COL13A1: variants seen among roughly 807,000 people sequenced by gnomAD.
The protein encoded by COL13A1 is collagen type XIII alpha 1 chain, also known as collagen alpha-1(XIII) chain.
Under a neutral mutation model 130.9 loss-of-function variants are expected in COL13A1, and 89 were observed. That is an observed-to-expected ratio of 0.68 (90% CI 0.57 to 0.81). COL13A1 has a LOEUF of 0.81. COL13A1 is among the 30% of genes least tolerant of loss of function. The pLI is 0.00. For synonymous variants in COL13A1, 402 were observed against 341.6 expected (o/e 1.18, Z -1.95); for missense variants, 879 against 934.6 (o/e 0.94, Z 0.78).
In COL13A1 at chr10:69,950,973, C is replaced by T. The variant is rs1436245061; in HGVS notation, c.2059-1909C>T. On this transcript the variant is annotated intron_variant, in intron 38 of 40. Transcript: ENST00000645393. ...AAGCGATTCTCCTGCCTCAGCCTCCCGAGTAGCTAGGATTACAGGCTAGTG... is the reference window on the plus strand; with the variant it reads ...AAGCGATTCTCCTGCCTCAGCCTCCTGAGTAGCTAGGATTACAGGCTAGTG... Among the ~76,000 whole-genome samples the T allele has an allele frequency of 6.6e-5, 10 of 152,218 alleles. No homozygotes were observed. The East Asian group carries it at 1.2e-3, about 18-fold the overall frequency.
intron 8 of COL13A1, among the ~76,000 whole-genome samples, chr10:69,887,813 C>T (rs1427644403): frequency 1.3e-5 from 2 of 152,128 alleles, no homozygotes; most frequent in Non-Finnish European, 2.9e-5. Context: ...GGGAGAACAC[C>T]CTGCAGCTCA....
In COL13A1 at chr10:69,875,145, T is replaced by A; in HGVS notation, c.417T>A (p.Ile139=). 6.2e-7 allele frequency: 1 copy of A among 1,613,978 alleles called. No individual in the cohort carries two copies. The highest frequency in any genetic ancestry group is 8.5e-7 in the Non-Finnish European group (1 of 1,179,888). Residue 139 remains isoleucine (I), a synonymous_variant, in exon 5 of 41, where the codon ATT becomes ATA. Transcript: ENST00000645393. ...RPGLPGDKGA[I]GMPGRVGVKG... is the part of the protein sequence containing the mutation. ...ATCATCAGGGGGACAAAGGTGCCATTGGGATGCCTGGACGTGTGGTGAGTT... is the reference window on the plus strand; with the variant it reads ...ATCATCAGGGGGACAAAGGTGCCATAGGGATGCCTGGACGTGTGGTGAGTT...
chr10:69,917,703 A>G (rs2064100819), intron 18 of COL13A1, among the ~76,000 whole-genome samples: 1 of 125,996 alleles, frequency 7.9e-6, no homozygotes, highest in Admixed American at 8.1e-5. Flanking sequence ...CAGGGTTTTC[A>G]TATCAGCTTT....
intron 1 of COL13A1, among the ~76,000 whole-genome samples, chr10:69,804,789 G>A (rs1295673311): frequency 2.0e-5 from 2 of 100,392 alleles, no homozygotes; most frequent in Non-Finnish European, 3.7e-5. Flanking sequence ...GAAGAAAATG[G>A]GCAGTGACCA....
intron 7 of COL13A1, among the ~76,000 whole-genome samples, chr10:69,883,088 C>T (rs1436698572): frequency 6.6e-6 from 1 of 152,180 alleles, no homozygotes; most frequent in Admixed American, 6.5e-5. Flanking sequence ...TTAGGGGCCA[C>T]CTGCCTCCCC....
At chr10:69,950,223 G>T (rs2069288932) in intron 38 of COL13A1, among the ~76,000 whole-genome samples, 1 of 151,936 alleles carries the variant, frequency 6.6e-6, no homozygotes, top group Non-Finnish European at 1.5e-5. Flanking sequence ...AGAAGCCTTT[G>T]CCCCTTGACT....
At chr10:69,830,968 T>A (rs1331698347) in intron 2 of COL13A1, among the ~76,000 whole-genome samples, 1 of 152,232 alleles carries the variant, frequency 6.6e-6, no homozygotes, top group African/African-American at 2.4e-5. Flanking sequence ...TTTAGCATAA[T>A]GTTTTCAAGG....
intron 1 of COL13A1, among the ~76,000 whole-genome samples, chr10:69,803,093 C>G (rs1305655202): frequency 6.6e-6 from 1 of 152,182 alleles, no homozygotes; most frequent in African/African-American, 2.4e-5. Context: ...GCCCGCGCAG[C>G]GGCAAGCGCG....
chr10:69,844,159 G>A (rs1852369163), intron 2 of COL13A1, among the ~76,000 whole-genome samples: 1 of 152,170 alleles, frequency 6.6e-6, no homozygotes, highest in African/African-American at 2.4e-5. Flanking sequence ...GAGGGCAGGA[G>A]GACATTCCAA....
intron 27 of COL13A1, 74 bp from the exon 28 acceptor site, chr10:69,928,863 C>T (rs1431831050): frequency 1.8e-6 from 2 of 1,107,368 alleles, no homozygotes; most frequent in South Asian, 1.3e-5. Context: ...CCAGCCTCCA[C>T]ATATAGCCCT....
At chr10:69,899,005 C>T (rs1315768717) in intron 14 of COL13A1, among the ~76,000 whole-genome samples, 1 of 152,166 alleles carries the variant, frequency 6.6e-6, no homozygotes, top group Non-Finnish European at 1.5e-5. Flanking sequence ...GTGTGCCAGG[C>T]ACCCTGTTAC....
Position 69,802,437 on chromosome 10 carries a change from G to A in COL13A1, c.14G>A (p.Arg5His), listed in dbSNP as rs1173422757. The A allele has an allele frequency of 6.7e-7, 1 of 1,500,052 alleles. No homozygotes were observed. Among genetic ancestry groups the A allele is most frequent in the Non-Finnish European group, 8.8e-7 (1 of 1,130,338 alleles). 92.9% of individuals were successfully genotyped at this position (1,500,052 alleles called of 1,614,324 possible). The change falls in exon 1 of 41, where the codon CGC becomes CAC. Residue 5 changes from arginine (R) to histidine (H), a missense_variant. Physicochemically the swap from Arg to His is conservative, Grantham distance 29. Transcript: ENST00000645393. The stretch of plus-strand genomic sequence containing the variant: ...AGACGCGAGAGGATGGTAGCGGAGC[G>A]CACCCACAAAGCGGCAGCCACCGGT... MVAE[R>H]THKAAATGAR...
At chr10:69,812,301 G>C (rs1049511381) in intron 1 of COL13A1, among the ~76,000 whole-genome samples, 1 of 150,490 alleles carries the variant, frequency 6.6e-6, no homozygotes, top group African/African-American at 2.5e-5. Context: ...CCGATTGCTG[G>C]GTTCAAGACC....
At chr10:69,817,218 G>A (rs553713005) in intron 1 of COL13A1, among the ~76,000 whole-genome samples, 140 of 152,186 alleles carry the variant, frequency 9.2e-4, no homozygotes, top group African/African-American at 3.3e-3. Context: ...ATCTAGAGGA[G>A]GGGATTGATG....
rs1452849575 is a variant in COL13A1, at chr10:69,889,438, A to G, written c.601A>G (p.Met201Val). The G allele has an allele frequency of 7.4e-6, 12 of 1,611,934 alleles. No homozygotes were observed. The South Asian group carries it at 1.2e-4, about 16-fold the overall frequency. The change falls in exon 10 of 41, where the codon ATG becomes GTG. Residue 201 changes from methionine (M) to valine (V), a missense_variant and splice_region_variant. Met to Val is a conservative substitution (Grantham distance 21). Coordinates refer to ENST00000645393, the MANE Select transcript of COL13A1 (RefSeq NM_001368882.1). ...GGGCCACCCAGGACCAAAGGGCGAC[A>G]TGGTAAGAGCCCAGCTTTCCTGCCT... ...KPGHPGPKGD[M>V]GLTGPPGQPG... is the part of the protein sequence containing the mutation.
At chr10:69,908,485 C>G (rs557425610) in intron 17 of COL13A1, among the ~76,000 whole-genome samples, 2 of 152,314 alleles carry the variant, frequency 1.3e-5, no homozygotes, top group East Asian at 3.9e-4. Context: ...AGTTGCAGGG[C>G]AGCAGAGGGT....
chr10:69,933,199 C>T (rs1289732050), intron 31 of COL13A1, among the ~76,000 whole-genome samples: 1 of 138,450 alleles, frequency 7.2e-6, no homozygotes, highest in Non-Finnish European at 1.5e-5. Context: ...CACAATACCC[C>T]ATAATGGGCA....
At chr10:69,862,884 G>A (rs562082339) in intron 2 of COL13A1, among the ~76,000 whole-genome samples, 5 of 152,322 alleles carry the variant, frequency 3.3e-5, no homozygotes, top group Admixed American at 2.0e-4. Context: ...TTAGCATAGC[G>A]TCAGGCACAG....
In COL13A1 at chr10:69,848,995, C is replaced by A. The variant is rs140142961; in HGVS notation, c.365-18803C>A. ...CTCAGACACCCAGGGTGCCTTGACA[C>A]CCCCCTGCACCACCTGACCCATGTG... On this transcript the variant is annotated intron_variant, in intron 2 of 40. Transcript: ENST00000645393. Among the ~76,000 whole-genome samples, 1,132 of 152,290 alleles carry A rather than the reference C, an allele frequency of 7.4e-3. 18 individuals are homozygous for A. Among genetic ancestry groups the A allele is most frequent in the African/African-American group, 0.026 (1,072 of 41,564 alleles).
Sources: gnomAD v4.1 joint callset for allele counts (sites outside exome capture counted in the v4.1 genomes callset) on GRCh38, gnomAD v4.1.1 for gene constraint, MANE v1.5 for transcripts, NCBI Gene and HGNC (gene_info 2026-07-23, HGNC 2026-07-21) for gene names.